The following PI15 variants were observed in gnomAD, a reference collection of about 807,000 sequenced individuals.
PI15 encodes 25 kDa trypsin inhibitor.
Under a neutral mutation model 31.0 loss-of-function variants are expected in PI15, and 18 were observed. The observed-to-expected ratio is 0.58, with a 90% confidence interval of 0.40 to 0.86. PI15 has a LOEUF of 0.86. Ranked by LOEUF, PI15 falls within the 40% of genes least tolerant of loss-of-function variation. PI15 has a pLI of 0.00. For missense variants in PI15, 282 were observed against 328.1 expected (o/e 0.86, Z 1.09); for synonymous variants, 118 against 119.1 (o/e 0.99, Z 0.06).
rs1210343410 is a variant in PI15, at chr8:74,853,496, T to C, written c.*4243T>C. 1 of 152,560 alleles carries C rather than the reference T, an allele frequency of 6.6e-6. No individual in the cohort carries two copies. Among genetic ancestry groups the C allele is most frequent in the African/African-American group, 2.4e-5 (1 of 41,468 alleles). The allele number at this position is 152,560 out of a possible 1,614,324, so 9.5% of individuals were successfully genotyped here. A position where few individuals can be genotyped will look rare whatever the true frequency, so the allele number is the denominator to read the frequency against. ...TATTTCTTTGGGAGTTATTTTCTTT[T>C]TAAAATCTTTTTATAGCTTGGCAAT... On this transcript the variant is annotated 3_prime_UTR_variant, in exon 6 of 6. Transcript: ENST00000260113.
At position 74,854,539 on chromosome 8, in the gene PI15, A is replaced by C. The variant is rs1811153343; in HGVS notation, c.*5286A>C. On this transcript the variant is annotated 3_prime_UTR_variant, in exon 6 of 6. Transcript: ENST00000260113. Reference sequence around the variant, plus strand: ...TCTAAAAACAATCAGCTAATAAAAAAAAAATTTGAGGGCCTAAATTATTTC... The same window carrying C: ...TCTAAAAACAATCAGCTAATAAAAACAAAATTTGAGGGCCTAAATTATTTC... 6.6e-6 allele frequency: 1 copy of C among 152,138 alleles called. No individual in the cohort carries two copies. Among genetic ancestry groups the C allele is most frequent in the African/African-American group, 2.4e-5 (1 of 41,456 alleles). The allele number at this position is 152,138 out of a possible 1,614,324, so 9.4% of individuals were successfully genotyped here. A position where few individuals can be genotyped will look rare whatever the true frequency, so the allele number is the denominator to read the frequency against.
intron 2 of PI15, among the ~76,000 whole-genome samples, chr8:74,842,139 T>C (rs1355002521): frequency 6.6e-6 from 1 of 152,164 alleles, no homozygotes; most frequent in Non-Finnish European, 1.5e-5. Flanking sequence ...AGTGATATGG[T>C]CAAGCATTCC....
intron 2 of PI15, among the ~76,000 whole-genome samples, chr8:74,841,205 A>G (rs776431016): frequency 1.3e-5 from 2 of 152,216 alleles, no homozygotes; most frequent in East Asian, 3.8e-4. Context: ...AATGTCTTGA[A>G]TATTTTTAAT....
rs11984599 is a variant in PI15 at position 74,830,840 on chromosome 8, C to T, written c.273+5318C>T. ...TGTAAACCTCTCCAATGCATGCTTT[C>T]GTGACCACTAGAAGGCCTCCTGAGG... On this transcript the variant is annotated intron_variant, in intron 2 of 5. Coordinates refer to ENST00000260113, the MANE Select transcript of PI15 (RefSeq NM_015886.5). Among the ~76,000 whole-genome samples the T allele has an allele frequency of 7.3e-3, 1,115 of 152,222 alleles. 18 individuals carry two copies. The highest frequency in any genetic ancestry group is 0.019 in the African/African-American group (795 of 41,552).
At chr8:74,848,518 A>G (rs1362665878) in intron 5 of PI15, among the ~76,000 whole-genome samples, 1 of 151,674 alleles carries the variant, frequency 6.6e-6, no homozygotes, top group Non-Finnish European at 1.5e-5. Flanking sequence ...GTGAGTTTAA[A>G]AGGAGTAAGT....
At chr8:74,833,151 C>G (rs553620622) in intron 2 of PI15, among the ~76,000 whole-genome samples, 1 of 152,042 alleles carries the variant, frequency 6.6e-6, no homozygotes, top group South Asian at 2.1e-4. Flanking sequence ...TTAAAATATA[C>G]CATTGAGTTG....
chr8:74,834,342 A>T (rs1010364500), intron 2 of PI15, among the ~76,000 whole-genome samples: 1 of 152,150 alleles, frequency 6.6e-6, no homozygotes, highest in Non-Finnish European at 1.5e-5. Context: ...TATTATTTAT[A>T]CCCTTGGAAA....
At position 74,825,160 on chromosome 8, in the gene PI15, C is replaced by G. The variant is rs147924935; in HGVS notation, c.-40-50C>G. 3,860 of 1,046,336 alleles carry G rather than the reference C, an allele frequency of 3.7e-3. 59 individuals are homozygous for G. Among genetic ancestry groups the G allele is most frequent in the Admixed American group, 0.032 (1,660 of 51,394 alleles). The allele number at this position is 1,046,336 out of a possible 1,614,324, so 64.8% of individuals were successfully genotyped here. A position where few individuals can be genotyped will look rare whatever the true frequency, so the allele number is the denominator to read the frequency against. On this transcript the variant is annotated intron_variant, in intron 1 of 5. Transcript: ENST00000260113. ...TGATGTCTTTGTAAATTCATACCCTCTGGCCCTATTTTTTTTCATAGACCC... is the reference window on the plus strand; with the variant it reads ...TGATGTCTTTGTAAATTCATACCCTGTGGCCCTATTTTTTTTCATAGACCC...
downstream of PI15, chr8:74,855,029 A>ATTGGTTGTTTTTGAAGTATATCTAATTG (rs1811161429): frequency 3.3e-5 from 4 of 120,234 alleles, no homozygotes; most frequent in African/African-American, 1.4e-4. Flanking sequence ...AGTATAATTA[A>ATTGGTTGTTTTTGAAGTATATCTAATTG]TTGGTTGTTT....
At chr8:74,845,942 C>G (rs1017771805) in intron 5 of PI15, 1 of 158,056 alleles carries the variant, frequency 6.3e-6, no homozygotes. Context: ...TTTAAAAATT[C>G]ATAATTTCAT....
intron 5 of PI15, among the ~76,000 whole-genome samples, chr8:74,847,209 G>T (rs905770594): frequency 2.0e-5 from 3 of 152,138 alleles, no homozygotes. Context: ...ACTTTGGGAG[G>T]CTGAGGCGGG....
chr8:74,832,992 C>T (rs753313154), intron 2 of PI15, among the ~76,000 whole-genome samples: 2 of 151,978 alleles, frequency 1.3e-5, no homozygotes, highest in Non-Finnish European at 2.9e-5. Context: ...TCTACCAAAT[C>T]TATCTCTCTG....
At chr8:74,837,262 C>T (rs978388203) in intron 2 of PI15, among the ~76,000 whole-genome samples, 1 of 151,668 alleles carries the variant, frequency 6.6e-6, no homozygotes, top group Non-Finnish European at 1.5e-5. Flanking sequence ...TTTCTTTAAT[C>T]CTCTCCTTCT....
rs758026260 is a variant in PI15 at position 74,825,345 on chromosome 8, G to A, written c.96G>A (p.Pro32=). The change falls in exon 2 of 6, where the codon CCG becomes CCA. Residue 32 remains proline, a synonymous_variant. Transcript: ENST00000260113. ...VVLLNSTDSS[P]PTNNFTDIEA... is the part of the protein sequence containing the mutation. The stretch of plus-strand genomic sequence containing the variant: ...TACTCAATTCCACTGACTCATCCCC[G>A]CCAACCAATAATTTCACTGATATTG... 1.4e-5 allele frequency: 23 copies of A among 1,612,770 alleles called. No individual in the cohort carries two copies. Among genetic ancestry groups the A allele is most frequent in the South Asian group, 3.3e-5 (3 of 91,042 alleles).
At chr8:74,845,606 C>T (rs17292864) in intron 5 of PI15, 109 bp downstream of exon 5, 160,283 of 670,338 alleles carry the variant, frequency 0.24, 22,284 homozygotes, top group South Asian at 0.3. Context: ...CTATAATGGC[C>T]TCTAATCCTC....
chr8:74,848,327 A>C (rs1031225677), intron 5 of PI15, among the ~76,000 whole-genome samples: 3 of 152,184 alleles, frequency 2.0e-5, no homozygotes, highest in African/African-American at 7.2e-5. Context: ...CCATATATGA[A>C]GTTTTTCACA....
intron 2 of PI15, among the ~76,000 whole-genome samples, chr8:74,838,393 C>T (rs866467396): frequency 1.3e-5 from 2 of 151,938 alleles, no homozygotes; most frequent in African/African-American, 4.8e-5. Context: ...CCCTAAAAGC[C>T]CATTCTTTTT....
rs781237449 is a variant in PI15 at position 74,825,455 on chromosome 8, C to T, written c.206C>T (p.Ala69Val). 6.2e-7 allele frequency: 1 copy of T among 1,612,554 alleles called. No individual in the cohort carries two copies. Among genetic ancestry groups the T allele is most frequent in the Non-Finnish European group, 8.5e-7 (1 of 1,178,862 alleles). Residue 69 changes from alanine (A) to valine (V), a missense_variant, in exon 2 of 6, where the codon GCC (alanine) becomes GTC (valine). Transcript: ENST00000260113. ...TACATTTCGCAGAATGACATGATCG[C>T]CATTCTTGATTATCATAATCAAGTT... ...KRYISQNDMI[A>V]ILDYHNQVRG...
chr8:74,849,491 A>T lies in PI15; in HGVS notation c.*238A>T. 1 of 383,268 alleles carries T rather than the reference A, an allele frequency of 2.6e-6. No homozygotes were observed. Among genetic ancestry groups the T allele is most frequent in the South Asian group, 4.3e-5 (1 of 23,088 alleles). The allele number at this position is 383,268 out of a possible 1,614,324, so 23.7% of individuals were successfully genotyped here. On this transcript the variant is annotated 3_prime_UTR_variant, in exon 6 of 6. Coordinates refer to ENST00000260113, the MANE Select transcript of PI15 (RefSeq NM_015886.5). The stretch of plus-strand genomic sequence containing the variant: ...CCTAAATTAAGATATTGTATATGTA[A>T]TGATGACATAGTTGATGCATCCAAT...
Sources: allele counts gnomAD v4.1 joint callset (sites outside exome capture counted in the v4.1 genomes callset), GRCh38; gene constraint gnomAD v4.1.1; transcripts MANE v1.5; gene names NCBI Gene and HGNC (gene_info 2026-07-23, HGNC 2026-07-21).